The following ARHGEF7 variants were observed in gnomAD, a reference collection of about 807,000 sequenced individuals.
ARHGEF7 encodes the protein Rho guanine nucleotide exchange factor 7.
Under a neutral mutation model 109.8 loss-of-function variants are expected in ARHGEF7, and 33 were observed. That is an observed-to-expected ratio of 0.30 (90% confidence interval 0.23 to 0.40). ARHGEF7 has a LOEUF of 0.40. Ranked by LOEUF, ARHGEF7 falls within the 10% of genes least tolerant of loss-of-function variation. ARHGEF7 has a pLI of 1.00. For missense variants in ARHGEF7, 938 were observed against 1,098.5 expected, an observed-to-expected ratio of 0.85 and a Z score of 2.07; for synonymous variants, 458 against 424.6, an observed-to-expected ratio of 1.08 and a Z score of -0.97.
At chr13:111,116,674 T>A (rs2066809125) in intron 1 of ARHGEF7, 1 of 152,150 alleles carries the variant, frequency 6.6e-6, no homozygotes, top group South Asian at 2.1e-4. Context: ...GGATTTCAGT[T>A]TTTAAGTGGG....
rs2084293542 is a variant in ARHGEF7, at chr13:111,221,525, A to ATATATATCTATATATATAGATATATATC, written c.670+3661_670+3662insTAGATATATATCTATATATCTATATATA. 2.1e-4 allele frequency among the ~76,000 whole-genome samples: 7 copies of ATATATATCTATATATATAGATATATATC among 33,402 alleles called. 1 individual carries two copies. The highest frequency in any genetic ancestry group is 3.5e-4 in the Non-Finnish European group (6 of 17,124). 21.9% of individuals were successfully genotyped at this position (33,402 alleles called of 152,430 possible). A position where few individuals can be genotyped will look rare whatever the true frequency, so the allele number is the denominator to read the frequency against. ...TATCTATATATATAGATATATATCT[A>ATATATATCTATATATATAGATATATATC]TATATATCTATATATAGATACATAT... is the stretch of plus-strand genomic sequence containing the variant. On this transcript the variant is annotated intron_variant, in intron 5 of 21. Coordinates refer to ENST00000646102, the MANE Select transcript of ARHGEF7 (RefSeq NM_001354046.2).
chr13:111,136,102 T>C (rs952703646), intron 1 of ARHGEF7, among the ~76,000 whole-genome samples: 5 of 152,226 alleles, frequency 3.3e-5, no homozygotes, highest in African/African-American at 1.2e-4. Context: ...TTACGTTTAT[T>C]GATTTTCGTA....
intron 1 of ARHGEF7, among the ~76,000 whole-genome samples, chr13:111,153,342 G>A (rs978232388): frequency 6.6e-6 from 1 of 152,056 alleles, no homozygotes; most frequent in Non-Finnish European, 1.5e-5. Flanking sequence ...GGCCGAGCGG[G>A]TGCGCTGTGT....
intron 1 of ARHGEF7, among the ~76,000 whole-genome samples, chr13:111,141,350 G>A (rs182667043): frequency 8.4e-5 from 12 of 143,068 alleles, no homozygotes; most frequent in Admixed American, 5.0e-4. Flanking sequence ...TCTTTTTACC[G>A]TCCCCATGTT....
At chr13:111,238,410 C>T (rs1367987106) in intron 6 of ARHGEF7, among the ~76,000 whole-genome samples, 1 of 152,030 alleles carries the variant, frequency 6.6e-6, no homozygotes, top group African/African-American at 2.4e-5. Flanking sequence ...AAGTGCTGGA[C>T]CTTAGAGGTT....
chr13:111,139,009 G>A (rs926187342), intron 1 of ARHGEF7, among the ~76,000 whole-genome samples: 28 of 152,138 alleles, frequency 1.8e-4, no homozygotes, highest in African/African-American at 6.0e-4. Flanking sequence ...GGCTCAAAAA[G>A]CAATGACAGG....
intron 5 of ARHGEF7, among the ~76,000 whole-genome samples, chr13:111,224,089 T>C (rs1352100622): frequency 1.3e-5 from 2 of 152,180 alleles, no homozygotes; most frequent in African/African-American, 4.8e-5. Flanking sequence ...ACACCTGACC[T>C]TGTCATCTGC....
intron 18 of ARHGEF7, among the ~76,000 whole-genome samples, chr13:111,289,873 G>T (rs1422251020): frequency 6.6e-6 from 1 of 152,064 alleles, no homozygotes; most frequent in Non-Finnish European, 1.5e-5. Flanking sequence ...TTTGCCAAGG[G>T]TCAACACTGT....
intron 13 of ARHGEF7, among the ~76,000 whole-genome samples, chr13:111,278,719 C>G (rs2092625408): frequency 6.6e-6 from 1 of 152,208 alleles, no homozygotes; most frequent in South Asian, 2.1e-4. Context: ...GTTAAATGAC[C>G]TTGATAAACC....
chr13:111,299,044 T>G (rs1336826423), intron 19 of ARHGEF7, among the ~76,000 whole-genome samples: 5 of 152,348 alleles, frequency 3.3e-5, no homozygotes, highest in African/African-American at 1.2e-4. Context: ...CATCTTATCT[T>G]CTTATGCCCG....
chr13:111,242,498 T>C (rs2087961224), intron 6 of ARHGEF7, among the ~76,000 whole-genome samples: 2 of 152,226 alleles, frequency 1.3e-5, no homozygotes, highest in African/African-American at 2.4e-5. Context: ...TGAGAATGTA[T>C]TGTTAGCTCT....
chr13:111,258,433 C>T lies in ARHGEF7; in HGVS notation c.951-9115C>T, dbSNP rs567729879. ...GCTCAGCCACAGCAGGATAGAGCAT[C>T]AGGCAGAACCCTGAGGCTCCCGGAC... On this transcript the variant is annotated intron_variant, in intron 8 of 21. Transcript: ENST00000646102. The surrounding 1 kb of genome is among the most constrained non-coding windows in gnomAD (Gnocchi z 4.4). Among the ~76,000 whole-genome samples the T allele has an allele frequency of 6.6e-6, 1 of 152,348 alleles. No homozygotes were observed. Among genetic ancestry groups the T allele is most frequent in the Admixed American group, 6.5e-5 (1 of 15,308 alleles).
intron 1 of ARHGEF7, among the ~76,000 whole-genome samples, chr13:111,134,147 A>G (rs2153348870): frequency 6.6e-6 from 1 of 152,198 alleles, no homozygotes; most frequent in East Asian, 1.9e-4. Context: ...GCTGCATAGT[A>G]TTCCATGGTG....
chr13:111,207,155 C>T (rs979017271), intron 3 of ARHGEF7, among the ~76,000 whole-genome samples: 4 of 152,080 alleles, frequency 2.6e-5, no homozygotes, highest in African/African-American at 9.7e-5. Context: ...TCATATTCAT[C>T]CATGCCTCAG....
intron 6 of ARHGEF7, among the ~76,000 whole-genome samples, chr13:111,235,879 A>G (rs2086736796): frequency 2.0e-5 from 3 of 152,214 alleles, no homozygotes. Flanking sequence ...AACTTACTAA[A>G]GGGTAAGACT....
rs1429462544 is a variant in ARHGEF7, at chr13:111,303,132, T to A, written c.*19T>A. 6.2e-7 allele frequency: 1 copy of A among 1,605,778 alleles called. No homozygotes were observed. The highest frequency in any genetic ancestry group is 1.1e-5 in the South Asian group (1 of 90,026). On this transcript the variant is annotated 3_prime_UTR_variant, in exon 22 of 22. Transcript: ENST00000646102. The stretch of plus-strand genomic sequence containing the variant: ...TCTATAAGGGATGTCCTCAGTTCTT[T>A]CTGTTGAAGACCAGTTCTGAGGTGA...
At chr13:111,254,322 A>G (rs1335871122) in intron 8 of ARHGEF7, among the ~76,000 whole-genome samples, 3 of 152,270 alleles carry the variant, frequency 2.0e-5, no homozygotes, top group Non-Finnish European at 4.4e-5. Flanking sequence ...TTTTTTAAAA[A>G]TGTGATTTTG....
chr13:111,284,625 A>G (rs1224351447), intron 16 of ARHGEF7, among the ~76,000 whole-genome samples: 3 of 152,210 alleles, frequency 2.0e-5, no homozygotes, highest in Non-Finnish European at 4.4e-5. Context: ...GTGAAGATAA[A>G]CAATTTTTTT....
rs145829237 is a variant in ARHGEF7, at chr13:111,150,653, G to A, written c.166-3252G>A. ...GTGCCAACATAATCAATAATGCTGC[G>A]TATAGTGAGTGATTTCCAGTAGTCT... is the stretch of plus-strand genomic sequence containing the variant. On this transcript the variant is annotated intron_variant, in intron 1 of 21. Transcript: ENST00000646102. Among the ~76,000 whole-genome samples, 1,124 of 152,242 alleles carry A rather than the reference G, an allele frequency of 7.4e-3. 12 individuals carry two copies. Among genetic ancestry groups the A allele is most frequent in the African/African-American group, 0.026 (1,067 of 41,522 alleles).
Sources: allele counts gnomAD v4.1 joint callset (sites outside exome capture counted in the v4.1 genomes callset), GRCh38; gene constraint gnomAD v4.1.1; non-coding constraint Gnocchi (gnomAD v3.1); transcripts MANE v1.5; gene names NCBI Gene and HGNC (gene_info 2026-07-23, HGNC 2026-07-21).